Variants in MPRIP observed in about 807,000 individuals in gnomAD.
MPRIP encodes the protein myosin phosphatase Rho interacting protein, also known as myosin phosphatase Rho-interacting protein.
MPRIP carries 59 observed loss-of-function variants against 234.9 expected under a neutral mutation model. That is an observed-to-expected ratio of 0.25 (90% CI 0.20 to 0.31). The LOEUF is 0.31. MPRIP is among the 10% of genes least tolerant of loss of function. The pLI, the probability that MPRIP is intolerant of heterozygous loss-of-function variation, is 1.00. For synonymous variants in MPRIP, 1,144 were observed against 1,263.9 expected (o/e 0.91, Z 2.01); for missense variants, 2,436 against 3,071.0 (o/e 0.79, Z 4.89).
intron 18 of MPRIP, 134 bp downstream of exon 18, chr17:17,172,949 A>G: frequency 2.9e-6 from 2 of 696,532 alleles, no homozygotes. Flanking sequence ...TGCTGAGGGC[A>G]GCTCAGATGC....
chr17:17,063,193 C>T (rs1409897612), intron 1 of MPRIP, among the ~76,000 whole-genome samples: 1 of 152,204 alleles, frequency 6.6e-6, no homozygotes, highest in African/African-American at 2.4e-5. Context: ...GAGGGCCTTC[C>T]AGCAGCACTC....
intron 1 of MPRIP, among the ~76,000 whole-genome samples, chr17:17,047,190 A>G (rs1160104210): frequency 6.6e-6 from 1 of 152,094 alleles, no homozygotes; most frequent in African/African-American, 2.4e-5. Context: ...CAAAAAAGTA[A>G]TAATAATAAT....
At chr17:17,062,795 A>G (rs998966280) in intron 1 of MPRIP, among the ~76,000 whole-genome samples, 9 of 152,218 alleles carry the variant, frequency 5.9e-5, no homozygotes, top group African/African-American at 2.2e-4. Flanking sequence ...TTCCCACATC[A>G]GGAATGAGAC....
At chr17:17,080,377 G>A (rs1323127523) in intron 3 of MPRIP, among the ~76,000 whole-genome samples, 3 of 152,186 alleles carry the variant, frequency 2.0e-5, no homozygotes, top group South Asian at 4.1e-4. Context: ...ACGGTCAACC[G>A]CCCTGAGCTG....
intron 23 of MPRIP, chr17:17,181,736 A>G (rs1034374839): frequency 3.9e-5 from 6 of 152,234 alleles, no homozygotes; most frequent in African/African-American, 9.6e-5. Context: ...GACCATGTCT[A>G]TAAGTGACAT....
At chr17:17,064,593 C>T (rs1177404931) in intron 1 of MPRIP, among the ~76,000 whole-genome samples, 1 of 152,138 alleles carries the variant, frequency 6.6e-6, no homozygotes, top group Non-Finnish European at 1.5e-5. Flanking sequence ...GAATCCTGCT[C>T]CATTTCCATA....
intron 3 of MPRIP, among the ~76,000 whole-genome samples, chr17:17,123,241 C>T (rs1438222276): frequency 6.6e-6 from 1 of 152,128 alleles, no homozygotes; most frequent in African/African-American, 2.4e-5. Flanking sequence ...AATGGCTTTT[C>T]AGGGGGAGAT....
chr17:17,142,969 G>A (rs576942723), intron 8 of MPRIP, among the ~76,000 whole-genome samples: 1 of 152,264 alleles, frequency 6.6e-6, no homozygotes, highest in East Asian at 1.9e-4. Flanking sequence ...TCTGCTGAAG[G>A]ATATTCTCAT....
chr17:17,176,651 A>G (rs2046261292), intron 21 of MPRIP, 139 bp downstream of exon 21: 1 of 686,892 alleles, frequency 1.5e-6, no homozygotes, highest in Non-Finnish European at 2.5e-6. Context: ...TTCCAAAATC[A>G]AGCCCTCTTA....
chr17:17,152,217 C>T (rs115082719), intron 12 of MPRIP, among the ~76,000 whole-genome samples: 201 of 152,390 alleles, frequency 1.3e-3, no homozygotes, highest in African/African-American at 4.7e-3. Flanking sequence ...TAGTGGCCTG[C>T]ACTGCCCAAG....
rs1567681675 is a variant in MPRIP, at chr17:17,051,748, C to T, written c.123+8777C>T. ...AGCACCTAGGGGGTTGATTCACTGACATTTTGTCTCTGGAAGCTGGAACTG... is the reference window on the plus strand; with the variant it reads ...AGCACCTAGGGGGTTGATTCACTGATATTTTGTCTCTGGAAGCTGGAACTG... On this transcript the variant is annotated intron_variant, in intron 1 of 23. Transcript: ENST00000651222. Among the ~76,000 whole-genome samples the T allele has an allele frequency of 4.6e-5, 7 of 152,390 alleles. No homozygotes were observed. The South Asian group carries it at 1.4e-3, about 32-fold the overall frequency.
intron 15 of MPRIP, among the ~76,000 whole-genome samples, chr17:17,161,976 A>G (rs1448957882): frequency 6.6e-6 from 1 of 152,240 alleles, no homozygotes; most frequent in East Asian, 1.9e-4. Flanking sequence ...GGGCGTGCCT[A>G]TGTCTGCTGA....
At chr17:17,068,678 G>GTAGC (rs2089117448) in intron 1 of MPRIP, among the ~76,000 whole-genome samples, 1 of 151,652 alleles carries the variant, frequency 6.6e-6, no homozygotes, top group South Asian at 2.1e-4. Flanking sequence ...CTACAGGTGT[G>GTAGC]TGCCACCACA....
In MPRIP at chr17:17,186,717, T is replaced by C. The variant is rs2046482025; in HGVS notation, c.*1823T>C. 1 of 152,198 alleles carries C rather than the reference T, an allele frequency of 6.6e-6. No individual in the cohort carries two copies. The allele number at this position is 152,198 out of a possible 1,614,324, so 9.4% of individuals were successfully genotyped here. A position where few individuals can be genotyped will look rare whatever the true frequency, so the allele number is the denominator to read the frequency against. On this transcript the variant is annotated 3_prime_UTR_variant, in exon 24 of 24. Transcript: ENST00000651222. The stretch of plus-strand genomic sequence containing the variant: ...CTGGGTGACAAAGCAAGGCCCCATA[T>C]CAGATATAGATATACTTATCAGACC...
chr17:17,052,287 G>C (rs1304133773), intron 1 of MPRIP, among the ~76,000 whole-genome samples: 3 of 152,142 alleles, frequency 2.0e-5, no homozygotes, highest in Non-Finnish European at 4.4e-5. Flanking sequence ...TAGTGTTTTT[G>C]TTTGGCCCCG....
At chr17:17,174,154 ACTGGAG>A in intron 19 of MPRIP, 79 bp downstream of exon 19, 2 of 1,513,406 alleles carry the variant, frequency 1.3e-6, no homozygotes, top group Non-Finnish European at 1.8e-6. Context: ...GTGAGTCCAC[ACTGGAG>A]CTGGAGCCAG....
rs56270914 is a variant in MPRIP at position 17,192,427 on chromosome 17, T to TTGGGGGGGGGGGG, written c.*7533_*7534insTGGGGGGGGGGGG. On this transcript the variant is annotated 3_prime_UTR_variant, in exon 24 of 24. Transcript: ENST00000651222. ...ACCAGCTGAGCTGCTGCTTTTTTTT[T>TTGGGGGGGGGGGG]GGGGGGGGGGGGGGGAGGGGCGTCT... 2.1e-4 allele frequency: 1 copy of TTGGGGGGGGGGGG among 4,816 alleles called. No homozygotes were observed. The highest frequency in any genetic ancestry group is 4.2e-4 in the African/African-American group (1 of 2,360). 0.3% of individuals were successfully genotyped at this position (4,816 alleles called of 1,614,324 possible). A position where few individuals can be genotyped will look rare whatever the true frequency, so the allele number is the denominator to read the frequency against.
At chr17:17,084,997 G>A (rs1445799185) in intron 3 of MPRIP, among the ~76,000 whole-genome samples, 2 of 152,224 alleles carry the variant, frequency 1.3e-5, no homozygotes, top group African/African-American at 4.8e-5. Flanking sequence ...GGGAACCGGG[G>A]AAGATGTTTT....
At chr17:17,100,234 G>A (rs965066120) in intron 3 of MPRIP, among the ~76,000 whole-genome samples, 2 of 152,160 alleles carry the variant, frequency 1.3e-5, no homozygotes, top group South Asian at 4.1e-4. Flanking sequence ...TTTCCAGAGC[G>A]CCTCAATGCC....
Sources: allele counts gnomAD v4.1 joint callset (sites outside exome capture counted in the v4.1 genomes callset), GRCh38; gene constraint gnomAD v4.1.1; transcripts MANE v1.5; gene names NCBI Gene and HGNC (gene_info 2026-07-23, HGNC 2026-07-21).